DISP1: variants seen among roughly 807,000 people sequenced by gnomAD.
DISP1 encodes protein dispatched homolog 1.
In DISP1, 30 loss-of-function variants were observed where a neutral mutation model predicts 37.3. The ratio of observed to expected loss-of-function variants is 0.80; its 90% confidence interval spans 0.60 to 1.09. The LOEUF is 1.09. DISP1 is among the 50% of genes least tolerant of loss of function. The probability of loss-of-function intolerance (pLI) is 0.00; values close to 1 mark genes in which losing one functional copy is unlikely to be tolerated. For missense variants in DISP1, 1,598 were observed against 1,879.5 expected (o/e 0.85, Z 2.77); for synonymous variants, 634 against 690.2 (o/e 0.92, Z 1.28).
chr1:222,832,394 A>C (rs1054796518), intron 1 of DISP1, among the ~76,000 whole-genome samples: 1 of 152,180 alleles, frequency 6.6e-6, no homozygotes, highest in African/African-American at 2.4e-5. Context: ...TTTTATAAAA[A>C]TTTCTAATGT....
chr1:223,004,600 G>A lies in DISP1; in HGVS notation c.3203G>A (p.Arg1068Gln), dbSNP rs745335414. ...TACCGCTTGGCTCCAGATCCCGACC[G>A]AGAAGGCAAAGTGATCTTCTCTCTG... ...VAYRLAPDPD[R>Q]EGKVIFSLSR... The change falls in exon 9 of 9, where the codon CGA (arginine) becomes CAA (glutamine). Residue 1068 changes from arginine (R) to glutamine (Q), a missense_variant. Arg to Gln is a conservative substitution (Grantham distance 43). Coordinates refer to ENST00000675850, the MANE Select transcript of DISP1 (RefSeq NM_001377229.1). The surrounding 1 kb of genome is among the most constrained non-coding windows in gnomAD (Gnocchi z 4.9). 22 of 1,613,970 alleles carry A rather than the reference G, an allele frequency of 1.4e-5. 1 individual carries two copies. The South Asian group carries it at 1.6e-4, about 12-fold the overall frequency.
intron 1 of DISP1, among the ~76,000 whole-genome samples, chr1:222,884,893 G>C (rs758557204): frequency 1.3e-5 from 2 of 152,162 alleles, no homozygotes; most frequent in Non-Finnish European, 2.9e-5. Flanking sequence ...CTGGAGTGCA[G>C]TGGCGCGATC....
At chr1:222,994,387 C>T (rs892940930) in intron 7 of DISP1, among the ~76,000 whole-genome samples, 7 of 152,144 alleles carry the variant, frequency 4.6e-5, no homozygotes, top group African/African-American at 1.7e-4. Flanking sequence ...ACCATGTACT[C>T]GACCAGAATG....
chr1:222,957,226 A>G (rs1185735086), intron 3 of DISP1, among the ~76,000 whole-genome samples: 1 of 150,610 alleles, frequency 6.6e-6, no homozygotes, highest in East Asian at 1.9e-4. Context: ...GAGCCACATT[A>G]TATTTTGACC....
At chr1:222,878,498 T>C (rs1056799542) in intron 1 of DISP1, among the ~76,000 whole-genome samples, 2 of 152,212 alleles carry the variant, frequency 1.3e-5, no homozygotes, top group Admixed American at 1.3e-4. Flanking sequence ...TACCCCCCAA[T>C]TGAAGTGCTT....
intron 3 of DISP1, among the ~76,000 whole-genome samples, chr1:222,950,189 G>A (rs1286379631): frequency 6.6e-6 from 1 of 152,162 alleles, no homozygotes; most frequent in Non-Finnish European, 1.5e-5. Context: ...GAACATGAAT[G>A]GCCCTTGAAA....
intron 2 of DISP1, among the ~76,000 whole-genome samples, chr1:222,942,162 T>G (rs934252319): frequency 1.3e-5 from 2 of 152,146 alleles, no homozygotes; most frequent in African/African-American, 4.8e-5. Context: ...ATTATTTTTC[T>G]CATGTGCAGG....
chr1:222,994,103 G>T (rs938221691), intron 7 of DISP1, among the ~76,000 whole-genome samples: 1 of 152,004 alleles, frequency 6.6e-6, no homozygotes, highest in Non-Finnish European at 1.5e-5. Context: ...CAATATTGTT[G>T]GGCATCTATT....
At chr1:222,875,654 T>TAAAAA (rs1161033639) in intron 1 of DISP1, among the ~76,000 whole-genome samples, 9 of 93,668 alleles carry the variant, frequency 9.6e-5, no homozygotes, top group East Asian at 3.0e-4. Flanking sequence ...CTGTCTCTAC[T>TAAAAA]AAAAAAAAAA....
At chr1:222,911,012 G>T (rs1203745986) in intron 1 of DISP1, among the ~76,000 whole-genome samples, 2 of 152,152 alleles carry the variant, frequency 1.3e-5, no homozygotes, top group Non-Finnish European at 2.9e-5. Flanking sequence ...TTCCAGGCAA[G>T]CCCTAGCAAT....
intron 1 of DISP1, among the ~76,000 whole-genome samples, chr1:222,818,670 T>A (rs1224622779): frequency 6.6e-6 from 1 of 152,204 alleles, no homozygotes; most frequent in Non-Finnish European, 1.5e-5. Context: ...TCTTTCTTCT[T>A]TGGGAAACCT....
intron 1 of DISP1, among the ~76,000 whole-genome samples, chr1:222,820,377 T>G (rs1021426509): frequency 7.2e-5 from 11 of 152,182 alleles, no homozygotes; most frequent in African/African-American, 2.7e-4. Flanking sequence ...AGCTAGCCAT[T>G]GGGTGATTCA....
chr1:222,916,688 G>GT (rs1369308958), intron 1 of DISP1, among the ~76,000 whole-genome samples: 6 of 152,052 alleles, frequency 3.9e-5, no homozygotes, highest in Non-Finnish European at 7.4e-5. Flanking sequence ...GTCTGTGTTG[G>GT]TATATTTTCA....
At chr1:222,992,864 A>ATTT (rs71178523) in intron 7 of DISP1, among the ~76,000 whole-genome samples, 2 of 118,588 alleles carry the variant, frequency 1.7e-5, no homozygotes, top group Non-Finnish European at 1.7e-5. Flanking sequence ...AAAACCCAGA[A>ATTT]TTTTTTTTTT....
At chr1:222,873,451 G>C (rs28866637) in intron 1 of DISP1, among the ~76,000 whole-genome samples, 17,237 of 151,966 alleles carry the variant, frequency 0.11, 1,344 homozygotes, top group Non-Finnish European at 0.16. Flanking sequence ...TATGAATCTG[G>C]GTGCTCCTGT....
intron 1 of DISP1, among the ~76,000 whole-genome samples, chr1:222,865,991 G>A (rs952972134): frequency 6.6e-6 from 1 of 152,232 alleles, no homozygotes; most frequent in Admixed American, 6.5e-5. Flanking sequence ...TAACCCAGAT[G>A]ACAGTTGGTA....
intron 1 of DISP1, among the ~76,000 whole-genome samples, chr1:222,839,652 G>C (rs138341097): frequency 1.5e-4 from 23 of 152,044 alleles, no homozygotes; most frequent in Non-Finnish European, 2.2e-4. Context: ...AATGCATTTA[G>C]AGCCAGGCAT....
intron 3 of DISP1, among the ~76,000 whole-genome samples, chr1:222,977,282 C>T (rs1677418359): frequency 1.3e-5 from 2 of 151,368 alleles, no homozygotes; most frequent in African/African-American, 4.9e-5. Flanking sequence ...GATCTGCCAG[C>T]TCTGGCCTCC....
intron 8 of DISP1, among the ~76,000 whole-genome samples, chr1:223,001,345 T>G (rs1262328759): frequency 6.6e-6 from 1 of 152,240 alleles, no homozygotes; most frequent in Admixed American, 6.5e-5. Flanking sequence ...AATTCTTACT[T>G]AGGCATTTAT....
Sources: allele counts gnomAD v4.1 joint callset (sites outside exome capture counted in the v4.1 genomes callset), GRCh38; gene constraint gnomAD v4.1.1; non-coding constraint Gnocchi (gnomAD v3.1); transcripts MANE v1.5; gene names NCBI Gene and HGNC (gene_info 2026-07-23, HGNC 2026-07-21).